S100A2: variants seen among roughly 807,000 people sequenced by gnomAD.
The protein encoded by S100A2 is S100 calcium binding protein A2.
A neutral mutation model predicts 4.3 loss-of-function variants in S100A2; 5 were observed. That is an observed-to-expected ratio of 1.16 (90% CI 0.61 to 2.44). The LOEUF (loss-of-function observed/expected upper bound fraction) is 2.44. Among genes scored for constraint, S100A2 ranks in the 30% most tolerant of loss-of-function variants. The pLI, the probability that S100A2 is intolerant of heterozygous loss-of-function variation, is 0.01. For missense variants in S100A2, 103 were observed against 114.7 expected, an observed-to-expected ratio of 0.90 and a Z score of 0.47; for synonymous variants, 44 against 46.0, an observed-to-expected ratio of 0.96 and a Z score of 0.17.
chr1:153,563,419 G>C (rs1434111465), intron 2 of S100A2: 2 of 1,550,256 alleles, frequency 1.3e-6, no homozygotes, highest in Admixed American at 3.9e-5. Flanking sequence ...ACGTGCCAGT[G>C]CTGTGTGATC....
chr1:153,563,662 A>C, intron 2 of S100A2, 72 bp downstream of exon 2: 1 of 1,589,590 alleles, frequency 6.3e-7, no homozygotes, highest in Non-Finnish European at 8.6e-7. Context: ...AGGCACCCGG[A>C]ACTGGGGGAG....
At chr1:153,563,098 A>AC (rs1412610293) in intron 2 of S100A2, among the ~76,000 whole-genome samples, 1 of 151,334 alleles carries the variant, frequency 6.6e-6, no homozygotes, top group Admixed American at 6.6e-5. Flanking sequence ...ATATGATGAA[A>AC]CCCCGTCTCT....
rs1293530714 is a variant in S100A2 at position 153,565,622 on chromosome 1, C to G, written c.-127G>C. On this transcript the variant is annotated 5_prime_UTR_variant, in exon 1 of 3. Transcript: ENST00000368708. ...ACTTGGCATTTTAAGGAAACCAAAC[C>G]TGCCTCAACCTGATCCCACCAAACC... 1 of 152,414 alleles carries G rather than the reference C, an allele frequency of 6.6e-6. No homozygotes were observed. The highest frequency in any genetic ancestry group is 1.5e-5 in the Non-Finnish European group (1 of 68,168). 9.4% of individuals were successfully genotyped at this position (152,414 alleles called of 1,614,324 possible). A position where few individuals can be genotyped will look rare whatever the true frequency, so the allele number is the denominator to read the frequency against.
rs1665890184 is a variant in S100A2, at chr1:153,561,360, A to G, written c.*79T>C. 1.3e-6 allele frequency: 2 copies of G among 1,501,964 alleles called. No individual in the cohort carries two copies. The highest frequency in any genetic ancestry group is 2.3e-5 in the East Asian group (1 of 43,876). 93.0% of individuals were successfully genotyped at this position (1,501,964 alleles called of 1,614,324 possible). On this transcript the variant is annotated 3_prime_UTR_variant, in exon 3 of 3. Transcript: ENST00000368708. The stretch of plus-strand genomic sequence containing the variant: ...TAAAATATTATCAACAGACAAAAAA[A>G]GTTTATTGAATACAAAACTCAAAGG...
intron 2 of S100A2, chr1:153,563,363 A>G (rs2101705803): frequency 6.6e-7 from 1 of 1,513,772 alleles, no homozygotes; most frequent in South Asian, 1.2e-5. Context: ...CAAGAGGGAA[A>G]CTCCATCTCA....
chr1:153,564,185 G>A, intron 1 of S100A2: 1 of 293,392 alleles, frequency 3.4e-6, no homozygotes, highest in Non-Finnish European at 6.3e-6. Flanking sequence ...GTGTCTGCCA[G>A]AAGGGAAATG....
At chr1:153,564,945 C>T (rs1460271968) in intron 1 of S100A2, among the ~76,000 whole-genome samples, 1 of 150,936 alleles carries the variant, frequency 6.6e-6, no homozygotes, top group Non-Finnish European at 1.5e-5. Flanking sequence ...AGAAGGGCCC[C>T]TAGACTGAGA....
intron 2 of S100A2, 133 bp downstream of exon 2, chr1:153,563,601 T>C (rs1665943604): frequency 8.3e-6 from 13 of 1,558,924 alleles, no homozygotes; most frequent in Non-Finnish European, 1.1e-5. Context: ...AGTGGAGCCA[T>C]GAAGCTAAAG....
intron 1 of S100A2, among the ~76,000 whole-genome samples, chr1:153,564,971 C>T (rs1183160852): frequency 6.6e-6 from 1 of 151,806 alleles, no homozygotes; most frequent in Non-Finnish European, 1.5e-5. Flanking sequence ...AGGGGAGGGC[C>T]TCAGAGCAAC....
Position 153,563,939 on chromosome 1 carries a change from C to T in S100A2, c.-10-52G>A. ...ACTGCTGAGGCTCTTGGGGCCTTAG[C>T]TCAGCCTGTAGGATCCACTTCTGCC... is the stretch of plus-strand genomic sequence containing the variant. On this transcript the variant is annotated intron_variant, in intron 1 of 2. Transcript: ENST00000368708. The T allele has an allele frequency of 2.5e-6, 4 of 1,572,692 alleles. No homozygotes were observed. In the South Asian group the frequency reaches 3.5e-5, roughly 14 times the overall value.
Position 153,561,485 on chromosome 1 carries a change from G to A in S100A2, c.251C>T (p.Thr84Ile). 6.2e-7 allele frequency: 1 copy of A among 1,614,196 alleles called. No homozygotes were observed. Among genetic ancestry groups the A allele is most frequent in the Non-Finnish European group, 8.5e-7 (1 of 1,180,036 alleles). ...CTGGAAGAAGTCATTGCACATGACA[G>A]TGATGAGTGCCAGGAAAACAGCATA... is the stretch of plus-strand genomic sequence containing the variant. Reference protein sequence around the residue: ...QEYAVFLALITVMCNDFFQGC... With the variant: ...QEYAVFLALIIVMCNDFFQGC... The change falls in exon 3 of 3, where the codon ACT (threonine) becomes ATT (isoleucine). Residue 84 changes from threonine (T) to isoleucine (I), a missense_variant. Thr to Ile is a moderately conservative substitution (Grantham distance 89, BLOSUM62 -1). Transcript: ENST00000368708.
In S100A2 at chr1:153,561,297, A is replaced by C. The variant is rs550182082; in HGVS notation, c.*142T>G. On this transcript the variant is annotated 3_prime_UTR_variant, in exon 3 of 3. Coordinates refer to ENST00000368708, the MANE Select transcript of S100A2 (RefSeq NM_005978.4). ...GGAGGCCCTCATCTCCCAGCACTCC[A>C]GCTGAGCCAGCCGGGTTATGGAACA... The C allele has an allele frequency of 4.1e-5, 43 of 1,040,106 alleles. No individual in the cohort carries two copies. The African/African-American group carries it at 7.0e-4, about 17-fold the overall frequency. 64.4% of individuals were successfully genotyped at this position (1,040,106 alleles called of 1,614,324 possible).
rs367758325 is a variant in S100A2 at position 153,563,884 on chromosome 1, G to A, written c.-7C>T. ...CCAGAGAACTGCACATCATGGATCT[G>A]TGGCTGCAGAGGTGCCAGGTGATGG... is the stretch of plus-strand genomic sequence containing the variant. On this transcript the variant is annotated 5_prime_UTR_variant, in exon 2 of 3. Coordinates refer to ENST00000368708, the MANE Select transcript of S100A2 (RefSeq NM_005978.4). 7 of 1,613,512 alleles carry A rather than the reference G, an allele frequency of 4.3e-6. No homozygotes were observed. The highest frequency in any genetic ancestry group is 5.9e-6 in the Non-Finnish European group (7 of 1,179,698).
rs375738624 is a variant in S100A2 at position 153,561,406 on chromosome 1, A to G, written c.*33T>C. ...AAAGGCATCAACAGTCCTGGGCCCA[A>G]GAGATCCATGGCAGGAAGTCAAGAG... On this transcript the variant is annotated 3_prime_UTR_variant, in exon 3 of 3. Coordinates refer to ENST00000368708, the MANE Select transcript of S100A2 (RefSeq NM_005978.4). The G allele has an allele frequency of 7.5e-6, 12 of 1,602,762 alleles. No homozygotes were observed. Among genetic ancestry groups the G allele is most frequent in the Admixed American group, 1.7e-5 (1 of 59,040 alleles).
Position 153,561,588 on chromosome 1 carries a change from T to C in S100A2, c.148A>G (p.Lys50Glu), listed in dbSNP as rs1186426736. 4 of 1,614,024 alleles carry C rather than the reference T, an allele frequency of 2.5e-6. No homozygotes were observed. In the East Asian group the frequency reaches 8.9e-5, roughly 36 times the overall value. The change falls in exon 3 of 3, where the codon AAA becomes GAA. Residue 50 changes from lysine to glutamate, a missense_variant. Coordinates refer to ENST00000368708, the MANE Select transcript of S100A2 (RefSeq NM_005978.4). ...HKELPSFVGEKVDEEGLKKLM... is the reference protein window; with the variant it reads ...HKELPSFVGEEVDEEGLKKLM... ...TTCTTCAGCCCCTCCTCATCCACTTTCTCCTGAAAGTGACAGGAAATACAC... is the reference window on the plus strand; with the variant it reads ...TTCTTCAGCCCCTCCTCATCCACTTCCTCCTGAAAGTGACAGGAAATACAC...
intron 2 of S100A2, 23 bp downstream of exon 2, chr1:153,563,711 C>T: frequency 1.9e-6 from 3 of 1,602,894 alleles, no homozygotes; most frequent in Non-Finnish European, 2.6e-6. Flanking sequence ...CCAGGACCTC[C>T]CCCACAGGCC....
In S100A2 at chr1:153,565,180, T is replaced by C. The variant is rs192659714; in HGVS notation, c.-11+326A>G. 5.2e-3 allele frequency among the ~76,000 whole-genome samples: 784 copies of C among 151,586 alleles called. 18 individuals are homozygous for C. Among genetic ancestry groups the C allele is most frequent in the Admixed American group, 0.037 (563 of 15,196 alleles). On this transcript the variant is annotated intron_variant, in intron 1 of 2. Transcript: ENST00000368708. ...CAAAAAAATTAGCCGGGCATGGTGGTGGGCGCCTGCAGTCCCAGCTACTCG... is the reference window on the plus strand; with the variant it reads ...CAAAAAAATTAGCCGGGCATGGTGGCGGGCGCCTGCAGTCCCAGCTACTCG...
chr1:153,563,598 C>A (rs745349126), intron 2 of S100A2, 136 bp downstream of exon 2: 21 of 1,556,736 alleles, frequency 1.3e-5, no homozygotes, highest in Non-Finnish European at 1.8e-5. Context: ...TCCAGTGGAG[C>A]CATGAAGCTA....
rs56666936 is a variant in S100A2 at position 153,564,854 on chromosome 1, C to CAAA, written c.-11+649_-11+651dup. On this transcript the variant is annotated intron_variant, in intron 1 of 2. Coordinates refer to ENST00000368708, the MANE Select transcript of S100A2 (RefSeq NM_005978.4). ...AGTCCTGCTAGAATCCAGGACTTTG[C>CAAA]AAAAAAAAAAAAAAATCTCAGGATT... Among the ~76,000 whole-genome samples, 71 of 54,798 alleles carry CAAA rather than the reference C, an allele frequency of 1.3e-3. 4 individuals carry two copies. Among genetic ancestry groups the CAAA allele is most frequent in the African/African-American group, 3.7e-3 (49 of 13,072 alleles). The allele number at this position is 54,798 out of a possible 152,430, so 35.9% of individuals were successfully genotyped here. A position where few individuals can be genotyped will look rare whatever the true frequency, so the allele number is the denominator to read the frequency against.
Sources: allele counts gnomAD v4.1 joint callset (sites outside exome capture counted in the v4.1 genomes callset), GRCh38; gene constraint gnomAD v4.1.1; transcripts MANE v1.5; gene names NCBI Gene and HGNC (gene_info 2026-07-23, HGNC 2026-07-21).